The following VOPP1 variants were observed in gnomAD, a reference collection of about 807,000 sequenced individuals.
The protein encoded by VOPP1 is WW domain binding protein VOPP1.
Under a neutral mutation model 23.5 loss-of-function variants are expected in VOPP1, and 8 were observed. That is an observed-to-expected ratio of 0.34 (90% CI 0.20 to 0.61). The LOEUF (loss-of-function observed/expected upper bound fraction) is 0.61, where lower values mean the gene tolerates loss of function less well. Among genes scored for constraint, VOPP1 ranks in the 20% least tolerant of loss-of-function variants. The pLI is 0.78. For missense variants in VOPP1, 174 were observed against 238.1 expected (o/e 0.73, Z 1.77); for synonymous variants, 83 against 97.3 (o/e 0.85, Z 0.86).
At chr7:55,500,365 G>A (rs1484135767) in intron 2 of VOPP1, among the ~76,000 whole-genome samples, 2 of 152,244 alleles carry the variant, frequency 1.3e-5, no homozygotes, top group African/African-American at 2.4e-5. Flanking sequence ...AGCCAGGACT[G>A]AGTGTGGTCT....
chr7:55,452,823 T>G (rs1791277154), intron 4 of VOPP1, among the ~76,000 whole-genome samples: 1 of 152,252 alleles, frequency 6.6e-6, no homozygotes, highest in Admixed American at 6.5e-5. Context: ...TTGTTCCATT[T>G]ATAGGATAAA....
chr7:55,494,273 T>C (rs1289842024), intron 3 of VOPP1, among the ~76,000 whole-genome samples: 1 of 152,200 alleles, frequency 6.6e-6, no homozygotes, highest in Non-Finnish European at 1.5e-5. Context: ...CACTCAGCAC[T>C]GAGTCCTGCT....
At chr7:55,562,115 T>C in intron 1 of VOPP1, 1 of 701,516 alleles carries the variant, frequency 1.4e-6, no homozygotes, top group Non-Finnish European at 2.6e-6. Context: ...CCCTACCTCA[T>C]TCTAATGTAC....
At chr7:55,506,417 C>T (rs1794726366) in intron 2 of VOPP1, among the ~76,000 whole-genome samples, 1 of 152,176 alleles carries the variant, frequency 6.6e-6, no homozygotes, top group African/African-American at 2.4e-5. Flanking sequence ...CTCACTGCAA[C>T]CTCCACCTCT....
At chr7:55,473,806 T>C (rs765125689) in intron 4 of VOPP1, among the ~76,000 whole-genome samples, 3 of 152,262 alleles carry the variant, frequency 2.0e-5, no homozygotes, top group Non-Finnish European at 2.9e-5. Flanking sequence ...TGGGTATAGC[T>C]GATTTTGTGA....
chr7:55,544,410 T>C (rs1402773150), intron 1 of VOPP1, among the ~76,000 whole-genome samples: 1 of 152,222 alleles, frequency 6.6e-6, no homozygotes, highest in Non-Finnish European at 1.5e-5. Flanking sequence ...GCCCCACACT[T>C]AGCTCCAGGC....
chr7:55,521,931 T>TAA, intron 1 of VOPP1: 1 of 984,260 alleles, frequency 1.0e-6, no homozygotes, highest in Non-Finnish European at 1.2e-6. Flanking sequence ...CGTGCTGTCA[T>TAA]TTTTGTTTTA....
intron 4 of VOPP1, among the ~76,000 whole-genome samples, chr7:55,491,848 CAT>C (rs1793592234): frequency 6.6e-6 from 1 of 152,074 alleles, no homozygotes; most frequent in South Asian, 2.1e-4. Context: ...AAAGACAAAA[CAT>C]GAGAAAACAA....
chr7:55,531,051 ATACT>A, intron 1 of VOPP1: 1 of 152,232 alleles, frequency 6.6e-6, no homozygotes, highest in East Asian at 1.9e-4. Flanking sequence ...GATGCCAAAA[ATACT>A]TAGAGGTGCC....
chr7:55,498,307 G>A (rs2129025495), intron 2 of VOPP1, among the ~76,000 whole-genome samples: 1 of 152,304 alleles, frequency 6.6e-6, no homozygotes, highest in East Asian at 1.9e-4. Context: ...AGTGCTGATG[G>A]CACTATCACT....
intron 4 of VOPP1, among the ~76,000 whole-genome samples, chr7:55,476,707 G>A (rs1008203080): frequency 6.6e-6 from 1 of 152,244 alleles, no homozygotes; most frequent in Non-Finnish European, 1.5e-5. Context: ...TGGCTTCCCT[G>A]CTCTGTCCCC....
chr7:55,486,583 G>T (rs1457744618), intron 4 of VOPP1, among the ~76,000 whole-genome samples: 19 of 152,162 alleles, frequency 1.2e-4, no homozygotes. Context: ...GCCATATTGG[G>T]AGGCCATCTC....
chr7:55,526,618 T>C (rs1796207899), intron 1 of VOPP1: 1 of 152,256 alleles, frequency 6.6e-6, no homozygotes. Context: ...ACATGGATTT[T>C]ACCTAAATTC....
At chr7:55,531,814 T>C (rs939262729) in intron 1 of VOPP1, among the ~76,000 whole-genome samples, 7 of 152,226 alleles carry the variant, frequency 4.6e-5, no homozygotes, top group Non-Finnish European at 1.0e-4. Flanking sequence ...TTCCAACTAC[T>C]ATGCCCCCAA....
At chr7:55,556,784 G>T (rs548107041) in intron 1 of VOPP1, among the ~76,000 whole-genome samples, 144 of 152,232 alleles carry the variant, frequency 9.5e-4, no homozygotes, top group African/African-American at 2.9e-3. Flanking sequence ...CCATGTCAGG[G>T]TCAAAAGCCT....
At chr7:55,492,535 G>A in intron 3 of VOPP1, 117 bp from the exon 4 acceptor site, 6 of 1,238,570 alleles carry the variant, frequency 4.8e-6, no homozygotes, top group Non-Finnish European at 6.5e-6. Context: ...ACTCCCAAAT[G>A]CACGAGTCAG....
intron 2 of VOPP1, among the ~76,000 whole-genome samples, chr7:55,514,867 G>A (rs530714083): frequency 2.9e-4 from 44 of 152,332 alleles, no homozygotes; most frequent in African/African-American, 1.1e-3. Flanking sequence ...CTGTCCTGCT[G>A]CAAAGGTAGA....
At chr7:55,538,150 A>G (rs148313952) in intron 1 of VOPP1, among the ~76,000 whole-genome samples, 14 of 152,238 alleles carry the variant, frequency 9.2e-5, no homozygotes, top group Non-Finnish European at 1.8e-4. Flanking sequence ...CCCTCTAGAG[A>G]CCGCTCTCAT....
chr7:55,444,465 A>G (rs12667389), intron 4 of VOPP1, among the ~76,000 whole-genome samples: 1 of 152,176 alleles, frequency 6.6e-6, no homozygotes, highest in Non-Finnish European at 1.5e-5. Context: ...AGAAATTGCA[A>G]CTCACTTTAT....
Sources: gnomAD v4.1 joint callset for allele counts (sites outside exome capture counted in the v4.1 genomes callset) on GRCh38, gnomAD v4.1.1 for gene constraint, MANE v1.5 for transcripts, NCBI Gene and HGNC (gene_info 2026-07-23, HGNC 2026-07-21) for gene names.